Variants in TMEM117 observed in about 807,000 individuals in gnomAD.
TMEM117 encodes transmembrane protein 117.
TMEM117 carries 27 observed loss-of-function variants against 52.4 expected under a neutral mutation model. The ratio of observed to expected loss-of-function variants is 0.51; its 90% CI spans 0.38 to 0.71. The LOEUF (loss-of-function observed/expected upper bound fraction) is 0.71, where lower values mean the gene tolerates loss of function less well. Among genes scored for constraint, TMEM117 ranks in the 30% least tolerant of loss-of-function variants. The probability of loss-of-function intolerance (pLI) is 0.00; values close to 1 mark genes in which losing one functional copy is unlikely to be tolerated. For missense variants in TMEM117, 556 were observed against 630.5 expected (o/e 0.88, Z 1.26); for synonymous variants, 215 against 206.3 (o/e 1.04, Z -0.36).
chr12:43,842,679 T>C (rs767159624), intron 1 of TMEM117, among the ~76,000 whole-genome samples: 2 of 151,556 alleles, frequency 1.3e-5, no homozygotes, highest in Non-Finnish European at 2.9e-5. Context: ...TAATGGATAC[T>C]CCCCCCACCA....
chr12:44,090,256 T>C (rs1947640228), intron 3 of TMEM117, among the ~76,000 whole-genome samples: 1 of 152,116 alleles, frequency 6.6e-6, no homozygotes, highest in African/African-American at 2.4e-5. Flanking sequence ...AGGTTTGGGC[T>C]TCTACTTATC....
intron 2 of TMEM117, among the ~76,000 whole-genome samples, chr12:43,871,351 G>A (rs986178508): frequency 3.3e-5 from 5 of 152,144 alleles, no homozygotes; most frequent in African/African-American, 1.2e-4. Context: ...TGATCCGCCT[G>A]CCTCTGCCTC....
intron 3 of TMEM117, among the ~76,000 whole-genome samples, chr12:44,139,929 T>C (rs532603685): frequency 6.6e-6 from 1 of 152,306 alleles, no homozygotes; most frequent in African/African-American, 2.4e-5. Flanking sequence ...TTAATGGATA[T>C]GCAAATGAAT....
intron 2 of TMEM117, among the ~76,000 whole-genome samples, chr12:43,910,123 G>T (rs1299473800): frequency 7.7e-6 from 1 of 130,454 alleles, no homozygotes; most frequent in Non-Finnish European, 1.6e-5. Context: ...GAATCCAGCA[G>T]CACATCAAAA....
chr12:44,051,575 A>T (rs981706393), intron 3 of TMEM117, among the ~76,000 whole-genome samples: 1 of 152,210 alleles, frequency 6.6e-6, no homozygotes, highest in African/African-American at 2.4e-5. Flanking sequence ...TCAAATGGTA[A>T]ATCAGGCAAC....
intron 5 of TMEM117, among the ~76,000 whole-genome samples, chr12:44,223,702 G>C (rs1021921394): frequency 6.6e-6 from 1 of 151,940 alleles, no homozygotes; most frequent in East Asian, 1.9e-4. Flanking sequence ...CAAGTTTTAG[G>C]GTCCTGTTTC....
chr12:43,858,256 G>A (rs1943432745), intron 2 of TMEM117, among the ~76,000 whole-genome samples: 2 of 152,148 alleles, frequency 1.3e-5, no homozygotes, highest in South Asian at 2.1e-4. Flanking sequence ...AACATAAACC[G>A]AAGCCTCCTG....
chr12:44,130,000 C>T (rs993169096), intron 3 of TMEM117, among the ~76,000 whole-genome samples: 3 of 152,136 alleles, frequency 2.0e-5, no homozygotes, highest in Admixed American at 6.6e-5. Flanking sequence ...CAGGAATCTT[C>T]GTTCTTCTAC....
intron 2 of TMEM117, 93 bp from the exon 3 acceptor site, chr12:43,944,117 A>C: frequency 1.8e-6 from 2 of 1,123,682 alleles, no homozygotes; most frequent in Admixed American, 4.8e-5. Flanking sequence ...TTCAGAATAT[A>C]GTGAGACATT....
chr12:43,951,347 C>T (rs1379364807), intron 3 of TMEM117, among the ~76,000 whole-genome samples: 1 of 152,214 alleles, frequency 6.6e-6, no homozygotes, highest in Non-Finnish European at 1.5e-5. Flanking sequence ...TGGTCTTGCT[C>T]AGTGGCTCCC....
At position 43,838,187 on chromosome 12, in the gene TMEM117, C is replaced by T. The variant is rs555044946; in HGVS notation, c.-29+1991C>T. On this transcript the variant is annotated intron_variant, in intron 1 of 7. Coordinates refer to ENST00000266534, the MANE Select transcript of TMEM117 (RefSeq NM_032256.3). Reference sequence around the variant, plus strand: ...TGTAAAATGCTATGTATAATCTTTTCCTGCCTTTTTATCTAACAATTTAAG... The same window carrying T: ...TGTAAAATGCTATGTATAATCTTTTTCTGCCTTTTTATCTAACAATTTAAG... 5.3e-5 allele frequency among the ~76,000 whole-genome samples: 8 copies of T among 151,778 alleles called. No individual in the cohort carries two copies. In the South Asian group the frequency reaches 1.2e-3, roughly 24 times the overall value.
At chr12:44,226,924 C>T (rs1046341458) in intron 5 of TMEM117, among the ~76,000 whole-genome samples, 2 of 152,036 alleles carry the variant, frequency 1.3e-5, no homozygotes, top group African/African-American at 4.8e-5. Flanking sequence ...GGCTCATATA[C>T]ATGTGTAATA....
chr12:44,042,267 A>T (rs1227935969), intron 3 of TMEM117, among the ~76,000 whole-genome samples: 1 of 149,852 alleles, frequency 6.7e-6, no homozygotes. Flanking sequence ...TACAGTTTTC[A>T]GTGTCTGAAG....
chr12:44,395,762 A>C, the TMEM117 span, among the ~76,000 whole-genome samples: 1 of 152,202 alleles, frequency 6.6e-6, no homozygotes, highest in African/African-American at 2.4e-5. Context: ...CAGGTGAGGA[A>C]GATGCTGTAA....
the TMEM117 span, among the ~76,000 whole-genome samples, chr12:43,820,016 A>G: frequency 6.6e-6 from 1 of 152,072 alleles, no homozygotes; most frequent in African/African-American, 2.4e-5. Context: ...TAAAAAAAAG[A>G]GAAAAGAAAA....
At chr12:43,931,669 C>G (rs926145254) in intron 2 of TMEM117, among the ~76,000 whole-genome samples, 1 of 152,198 alleles carries the variant, frequency 6.6e-6, no homozygotes, top group African/African-American at 2.4e-5. Flanking sequence ...TCTATCAACT[C>G]TCACTCATGG....
At chr12:44,167,495 C>T (rs1022608521) in intron 4 of TMEM117, among the ~76,000 whole-genome samples, 18 of 151,904 alleles carry the variant, frequency 1.2e-4, no homozygotes, top group African/African-American at 2.9e-4. Context: ...GGTGAAACCC[C>T]GTCTCTACTA....
At chr12:43,800,514 A>C in the TMEM117 span, 1 of 1,613,634 alleles carries the variant, frequency 6.2e-7, no homozygotes, top group African/African-American at 1.3e-5. Flanking sequence ...TGCTGCATAC[A>C]ACATTTTTTG....
intron 5 of TMEM117, among the ~76,000 whole-genome samples, chr12:44,266,926 G>GTA (rs980295077): frequency 5.9e-5 from 9 of 152,036 alleles, no homozygotes; most frequent in African/African-American, 1.4e-4. Flanking sequence ...GACCATGGAT[G>GTA]TATATATATG....
Sources: gnomAD v4.1 joint callset for allele counts (sites outside exome capture counted in the v4.1 genomes callset) on GRCh38, gnomAD v4.1.1 for gene constraint, MANE v1.5 for transcripts, NCBI Gene and HGNC (gene_info 2026-07-23, HGNC 2026-07-21) for gene names.